Variants in AUTS2 observed in about 807,000 individuals in gnomAD.
AUTS2 encodes autism susceptibility gene 2 protein.
AUTS2 carries 17 observed loss-of-function variants against 112.4 expected under a neutral mutation model. The observed-to-expected ratio is 0.15, with a 90% CI of 0.10 to 0.23. The LOEUF is 0.23. Among genes scored for constraint, AUTS2 ranks in the 10% least tolerant of loss-of-function variants. AUTS2 has a pLI of 1.00. For synonymous variants in AUTS2, 751 were observed against 702.7 expected (o/e 1.07, Z -1.09); for missense variants, 1,510 against 1,701.6 (o/e 0.89, Z 1.98).
rs1811525133 is a variant in AUTS2, at chr7:70,222,243, A to G, written c.660+87672A>G. ...AAGACAGCGAATAAAATAATAAACA[A>G]TATTATTTCTTACCTCTTACTGTTG... On this transcript the variant is annotated intron_variant, in intron 4 of 18. Coordinates refer to ENST00000342771, the MANE Select transcript of AUTS2 (RefSeq NM_015570.4). Among the ~76,000 whole-genome samples, 6 of 152,202 alleles carry G rather than the reference A, an allele frequency of 3.9e-5. No homozygotes were observed. In the South Asian group the frequency reaches 1.2e-3, roughly 31 times the overall value.
intron 5 of AUTS2, among the ~76,000 whole-genome samples, chr7:70,668,367 C>T (rs764951319): frequency 4.6e-5 from 7 of 152,214 alleles, no homozygotes; most frequent in Middle Eastern, 3.2e-3. Context: ...GCACAGAAGA[C>T]TCTCATCAGT....
rs1023196214 is a variant in AUTS2 at position 70,686,633 on chromosome 7, C to T, written c.691-11936C>T. Among the ~76,000 whole-genome samples, 7 of 152,090 alleles carry T rather than the reference C, an allele frequency of 4.6e-5. No individual in the cohort carries two copies. The South Asian group carries it at 1.3e-3, about 27-fold the overall frequency. ...CTTACTGCAACCTCCCGGGTTCAAG[C>T]GATTCTCCTGCCTCAGCCTCCCCCG... On this transcript the variant is annotated intron_variant, in intron 5 of 18. Coordinates refer to ENST00000342771, the MANE Select transcript of AUTS2 (RefSeq NM_015570.4).
At chr7:69,812,125 C>G (rs528570396) in intron 1 of AUTS2, among the ~76,000 whole-genome samples, 1 of 152,228 alleles carries the variant, frequency 6.6e-6, no homozygotes, top group South Asian at 2.1e-4. Flanking sequence ...CCAGCCCTCT[C>G]CATAATAGTC....
intron 5 of AUTS2, among the ~76,000 whole-genome samples, chr7:70,503,374 T>C (rs149145800): frequency 8.6e-4 from 131 of 152,124 alleles, no homozygotes; most frequent in African/African-American, 3.1e-3. Flanking sequence ...TGTGTGCCTG[T>C]GTTATCTTTC....
At chr7:70,345,173 C>T (rs774259940) in intron 4 of AUTS2, among the ~76,000 whole-genome samples, 4 of 152,094 alleles carry the variant, frequency 2.6e-5, no homozygotes, top group East Asian at 3.9e-4. Context: ...TAGACTTAGC[C>T]GGCATTTATT....
intron 1 of AUTS2, among the ~76,000 whole-genome samples, chr7:69,687,158 A>T (rs1044793449): frequency 6.6e-6 from 1 of 152,248 alleles, no homozygotes; most frequent in South Asian, 2.1e-4. Context: ...AATGCTGTAA[A>T]TATGCACCAC....
intron 1 of AUTS2, among the ~76,000 whole-genome samples, chr7:69,696,610 TG>T (rs951574697): frequency 7.9e-5 from 12 of 152,018 alleles, no homozygotes; most frequent in Non-Finnish European, 1.8e-4. Flanking sequence ...ATGCACAGAG[TG>T]GGGAGAATGA....
At chr7:70,789,660 C>T (rs1376262557) in intron 18 of AUTS2, 88 bp from the exon 19 acceptor site, 2 of 1,482,068 alleles carry the variant, frequency 1.3e-6, no homozygotes, top group African/African-American at 2.8e-5. Flanking sequence ...CTGTCCTCTT[C>T]ACACCACCAT....
chr7:70,209,875 T>C (rs1810765661), intron 4 of AUTS2, among the ~76,000 whole-genome samples: 1 of 152,188 alleles, frequency 6.6e-6, no homozygotes, highest in African/African-American at 2.4e-5. Context: ...CCCAAACTAA[T>C]GTTTAGCTTC....
intron 4 of AUTS2, among the ~76,000 whole-genome samples, chr7:70,215,878 C>T (rs1156260099): frequency 6.6e-6 from 1 of 152,116 alleles, no homozygotes; most frequent in East Asian, 1.9e-4. Context: ...AGGATGTCTT[C>T]TGTTTTAGTT....
At chr7:70,330,604 T>C (rs1477779532) in intron 4 of AUTS2, among the ~76,000 whole-genome samples, 1 of 152,176 alleles carries the variant, frequency 6.6e-6, no homozygotes, top group East Asian at 1.9e-4. Flanking sequence ...ATTTTGGCGA[T>C]TGAGGGTCCA....
intron 6 of AUTS2, among the ~76,000 whole-genome samples, chr7:70,722,822 C>T (rs972628284): frequency 2.0e-5 from 3 of 152,172 alleles, no homozygotes; most frequent in Non-Finnish European, 4.4e-5. Context: ...ATTTCAGATT[C>T]AAACTGTTGA....
chr7:70,411,310 A>T (rs1487515060), intron 4 of AUTS2, among the ~76,000 whole-genome samples: 2 of 152,258 alleles, frequency 1.3e-5, no homozygotes, highest in African/African-American at 4.8e-5. Context: ...CACAGTGGTC[A>T]GGCCAACCGG....
chr7:70,547,031 G>A (rs1159542335), intron 5 of AUTS2, among the ~76,000 whole-genome samples: 2 of 152,030 alleles, frequency 1.3e-5, no homozygotes, highest in African/African-American at 2.4e-5. Context: ...ATATTCACCC[G>A]TACTAAGTGT....
chr7:70,792,691 A>C lies in AUTS2; in HGVS notation c.*1695A>C, dbSNP rs1792051942. 1 of 152,168 alleles carries C rather than the reference A, an allele frequency of 6.6e-6. No homozygotes were observed. Among genetic ancestry groups the C allele is most frequent in the South Asian group, 2.1e-4 (1 of 4,816 alleles). The allele number at this position is 152,168 out of a possible 1,614,324, so 9.4% of individuals were successfully genotyped here. ...CACTGGAACTGTAGTGGTAGCTTTCAGTATTGTAAAGAGATTGTTCTATAC... is the reference window on the plus strand; with the variant it reads ...CACTGGAACTGTAGTGGTAGCTTTCCGTATTGTAAAGAGATTGTTCTATAC... On this transcript the variant is annotated 3_prime_UTR_variant, in exon 19 of 19. Transcript: ENST00000342771.
chr7:70,485,705 T>C (rs1797966760), intron 5 of AUTS2, among the ~76,000 whole-genome samples: 1 of 152,198 alleles, frequency 6.6e-6, no homozygotes, highest in Non-Finnish European at 1.5e-5. Flanking sequence ...TCAAAACCAC[T>C]GTGGGCTCAT....
intron 5 of AUTS2, among the ~76,000 whole-genome samples, chr7:70,465,349 C>A (rs1159993204): frequency 6.6e-6 from 1 of 152,128 alleles, no homozygotes; most frequent in African/African-American, 2.4e-5. Context: ...AGAGGTTTCT[C>A]ATGATCCAGT....
chr7:70,737,715 G>C (rs1276408197), intron 6 of AUTS2, among the ~76,000 whole-genome samples: 1 of 152,092 alleles, frequency 6.6e-6, no homozygotes, highest in Non-Finnish European at 1.5e-5. Flanking sequence ...TTATCAGAGA[G>C]TACACAGGAT....
chr7:70,349,222 A>T (rs1202792171), intron 4 of AUTS2, among the ~76,000 whole-genome samples: 1 of 152,184 alleles, frequency 6.6e-6, no homozygotes, highest in Non-Finnish European at 1.5e-5. Context: ...TCCTGGGTCT[A>T]ATTCAAGAGG....
Sources: gnomAD v4.1 joint callset for allele counts (sites outside exome capture counted in the v4.1 genomes callset) on GRCh38, gnomAD v4.1.1 for gene constraint, MANE v1.5 for transcripts, NCBI Gene and HGNC (gene_info 2026-07-23, HGNC 2026-07-21) for gene names.